SPOCK1: variants seen among roughly 807,000 people sequenced by gnomAD.
SPOCK1 encodes testican-1.
In SPOCK1, 23 loss-of-function variants were observed where a neutral mutation model predicts 55.3. That is an observed-to-expected ratio of 0.42 (90% confidence interval 0.30 to 0.59). The LOEUF (loss-of-function observed/expected upper bound fraction) is 0.59. Among genes scored for constraint, SPOCK1 ranks in the 20% least tolerant of loss-of-function variants. SPOCK1 has a pLI of 0.22. For synonymous variants in SPOCK1, 226 were observed against 221.0 expected (o/e 1.02, Z -0.20); for missense variants, 499 against 552.5 (o/e 0.90, Z 0.97).
chr5:137,242,886 G>A (rs547697163), intron 3 of SPOCK1, among the ~76,000 whole-genome samples: 6 of 152,168 alleles, frequency 3.9e-5, no homozygotes, highest in Non-Finnish European at 7.4e-5. Flanking sequence ...TGGAGAAAGA[G>A]AATATATATA....
At chr5:137,339,264 G>A (rs1750360567) in intron 2 of SPOCK1, among the ~76,000 whole-genome samples, 2 of 152,222 alleles carry the variant, frequency 1.3e-5, no homozygotes. Context: ...CCAGTTCCAG[G>A]ATGGAGCATG....
intron 5 of SPOCK1, among the ~76,000 whole-genome samples, chr5:137,087,158 G>C (rs1029013610): frequency 3.9e-5 from 6 of 152,186 alleles, no homozygotes; most frequent in Admixed American, 6.5e-5. Context: ...AAGGGAGCCA[G>C]GCACAGTCTT....
intron 3 of SPOCK1, among the ~76,000 whole-genome samples, chr5:137,204,101 G>A (rs1755478083): frequency 6.6e-6 from 1 of 152,124 alleles, no homozygotes; most frequent in Admixed American, 6.5e-5. Flanking sequence ...ACCAGCTCTA[G>A]CCTTGTTTTA....
intron 2 of SPOCK1, among the ~76,000 whole-genome samples, chr5:137,428,486 C>T (rs763274700): frequency 6.6e-6 from 1 of 152,144 alleles, no homozygotes; most frequent in African/African-American, 2.4e-5. Flanking sequence ...TCATGGTTTG[C>T]TGGACCTCAT....
chr5:137,051,120 A>T (rs1752199263), intron 6 of SPOCK1, among the ~76,000 whole-genome samples: 2 of 152,252 alleles, frequency 1.3e-5, no homozygotes, highest in African/African-American at 4.8e-5. Context: ...ATAACTTGTT[A>T]GGTGAAAAAT....
At chr5:137,042,408 G>A (rs1752016884) in intron 6 of SPOCK1, among the ~76,000 whole-genome samples, 1 of 152,158 alleles carries the variant, frequency 6.6e-6, no homozygotes, top group African/African-American at 2.4e-5. Flanking sequence ...AGGAATTAGT[G>A]AGAACCTACA....
rs531676428 is a variant in SPOCK1, at chr5:137,272,812, T to C, written c.187-5757A>G. Among the ~76,000 whole-genome samples, 17 of 137,238 alleles carry C rather than the reference T, an allele frequency of 1.2e-4. No individual in the cohort carries two copies. In the East Asian group the frequency reaches 3.7e-3, roughly 30 times the overall value. 90.0% of individuals were successfully genotyped at this position (137,238 alleles called of 152,430 possible). A position where few individuals can be genotyped will look rare whatever the true frequency, so the allele number is the denominator to read the frequency against. On this transcript the variant is annotated intron_variant, in intron 2 of 10. Transcript: ENST00000394945. Reference sequence around the variant, plus strand: ...GGGTCTTACTCACCTGCACATCCCCTAAGGCATCACTCAACAGCACACAGT... The same window carrying C: ...GGGTCTTACTCACCTGCACATCCCCCAAGGCATCACTCAACAGCACACAGT...
At chr5:137,482,197 A>G (rs561248264) in intron 2 of SPOCK1, among the ~76,000 whole-genome samples, 4 of 152,336 alleles carry the variant, frequency 2.6e-5, no homozygotes, top group African/African-American at 7.2e-5. Context: ...CATGGGCCAC[A>G]TGGTACACCA....
intron 2 of SPOCK1, among the ~76,000 whole-genome samples, chr5:137,421,066 T>A (rs1377077333): frequency 6.6e-6 from 1 of 152,278 alleles, no homozygotes; most frequent in East Asian, 1.9e-4. Flanking sequence ...CCAGTAGTCA[T>A]TCAGGAGCAG....
chr5:137,013,066 A>G (rs890894677), intron 6 of SPOCK1, among the ~76,000 whole-genome samples: 1 of 152,214 alleles, frequency 6.6e-6, no homozygotes, highest in Non-Finnish European at 1.5e-5. Context: ...AGAAAGAGAG[A>G]CACAGAGAGA....
chr5:137,231,282 T>G lies in SPOCK1; in HGVS notation c.232+35728A>C, dbSNP rs558750847. Reference sequence around the variant, plus strand: ...CTGGTCTCGAACTCCTGTCCTCAGGTGATGGAGACCCACTTCAGCCTCCCA... The same window carrying G: ...CTGGTCTCGAACTCCTGTCCTCAGGGGATGGAGACCCACTTCAGCCTCCCA... On this transcript the variant is annotated intron_variant, in intron 3 of 10. Transcript: ENST00000394945. Among the ~76,000 whole-genome samples, 4 of 152,246 alleles carry G rather than the reference T, an allele frequency of 2.6e-5. No individual in the cohort carries two copies. In the South Asian group the frequency reaches 8.3e-4, roughly 32 times the overall value.
chr5:137,152,287 G>A (rs1381431304), intron 3 of SPOCK1, among the ~76,000 whole-genome samples: 3 of 152,192 alleles, frequency 2.0e-5, no homozygotes, highest in Non-Finnish European at 4.4e-5. Context: ...ATAATTCGCA[G>A]TTCCTGCCTT....
intron 5 of SPOCK1, among the ~76,000 whole-genome samples, chr5:137,095,266 G>A (rs1472235326): frequency 5.9e-5 from 9 of 152,280 alleles, no homozygotes; most frequent in African/African-American, 1.9e-4. Flanking sequence ...ACAGGGACAT[G>A]AAGTGAGCAC....
intron 6 of SPOCK1, among the ~76,000 whole-genome samples, chr5:137,056,948 A>G (rs1170499751): frequency 6.6e-6 from 1 of 152,122 alleles, no homozygotes. Flanking sequence ...TTACGCAAGT[A>G]TGAAGGACCT....
chr5:137,330,070 C>A (rs1758142800), intron 2 of SPOCK1, among the ~76,000 whole-genome samples: 1 of 152,152 alleles, frequency 6.6e-6, no homozygotes, highest in South Asian at 2.1e-4. Flanking sequence ...TCCCACCAGG[C>A]CACTGCTCCT....
intron 9 of SPOCK1, among the ~76,000 whole-genome samples, chr5:136,982,840 A>G (rs1750757745): frequency 1.3e-5 from 2 of 152,188 alleles, no homozygotes; most frequent in Admixed American, 6.5e-5. Flanking sequence ...TAGTAAGCTG[A>G]CTGAATCTTA....
intron 2 of SPOCK1, among the ~76,000 whole-genome samples, chr5:137,388,238 C>T (rs1047183361): frequency 6.6e-6 from 1 of 152,214 alleles, no homozygotes; most frequent in African/African-American, 2.4e-5. Context: ...ATGAGAGTTT[C>T]ATCTCCTGGG....
intron 2 of SPOCK1, among the ~76,000 whole-genome samples, chr5:137,324,024 C>T (rs1478652517): frequency 6.6e-6 from 1 of 152,152 alleles, no homozygotes; most frequent in African/African-American, 2.4e-5. Flanking sequence ...ATTTGCATTC[C>T]CATGTCCAAT....
intron 6 of SPOCK1, among the ~76,000 whole-genome samples, chr5:137,046,183 A>C (rs1207186689): frequency 7.0e-5 from 7 of 99,476 alleles, no homozygotes; most frequent in Non-Finnish European, 1.5e-4. Context: ...TCTGTGAAGA[A>C]AGTCATTGGT....
Sources: allele counts gnomAD v4.1 joint callset (sites outside exome capture counted in the v4.1 genomes callset), GRCh38; gene constraint gnomAD v4.1.1; transcripts MANE v1.5; gene names NCBI Gene and HGNC (gene_info 2026-07-23, HGNC 2026-07-21).